Variants in COL5A2 observed in about 807,000 individuals in gnomAD.
COL5A2 encodes the protein collagen type V alpha 2 chain.
Under a neutral mutation model 208.2 loss-of-function variants are expected in COL5A2, and 23 were observed. That is an observed-to-expected ratio of 0.11 (90% CI 0.08 to 0.16). The LOEUF is 0.16. COL5A2 is among the 10% of genes least tolerant of loss of function. The pLI, the probability that COL5A2 is intolerant of heterozygous loss-of-function variation, is 1.00. For synonymous variants in COL5A2, 625 were observed against 628.5 expected (o/e 0.99, Z 0.08); for missense variants, 1,590 against 1,956.4 (o/e 0.81, Z 3.53).
the COL5A2 span, among the ~76,000 whole-genome samples, chr2:189,259,825 G>A: frequency 2.7e-3 from 411 of 152,302 alleles, 3 homozygotes; most frequent in African/African-American, 9.3e-3. Context: ...GTCCCTATCA[G>A]GGGAGAGAAG....
At chr2:189,256,371 A>C in the COL5A2 span, among the ~76,000 whole-genome samples, 1 of 152,204 alleles carries the variant, frequency 6.6e-6, no homozygotes, top group African/African-American at 2.4e-5. Flanking sequence ...TAAGGCCACC[A>C]GCAGTATTAC....
Position 189,085,197 on chromosome 2 carries a change from C to T in COL5A2, c.761G>A (p.Arg254His), listed in dbSNP as rs758747712. The change falls in exon 11 of 54, where the codon CGT becomes CAT. Residue 254 changes from arginine to histidine, a missense_variant. Transcript: ENST00000374866. The part of the protein sequence containing the change: ...DPGPMGPIGS[R>H]GPEGPPGKPG... The stretch of plus-strand genomic sequence containing the variant: ...TTTACCAGGAGGGCCCTCTGGTCCA[C>T]GTGAACCAATCGGACCCTAATAACA... The T allele has an allele frequency of 4.3e-6, 7 of 1,611,322 alleles. No individual in the cohort carries two copies. Among genetic ancestry groups the T allele is most frequent in the South Asian group, 1.1e-5 (1 of 90,582 alleles).
chr2:189,263,135 T>C, the COL5A2 span, among the ~76,000 whole-genome samples: 1 of 152,076 alleles, frequency 6.6e-6, no homozygotes, highest in Non-Finnish European at 1.5e-5. Flanking sequence ...ATAAAGCATC[T>C]CCAATTTCCA....
intron 12 of COL5A2, 134 bp downstream of exon 12, chr2:189,083,850 C>T (rs1025669200): frequency 4.1e-5 from 30 of 724,108 alleles, no homozygotes; most frequent in Admixed American, 2.6e-4. Flanking sequence ...TGACATTTTA[C>T]ATTTTTACGG....
the COL5A2 span, among the ~76,000 whole-genome samples, chr2:189,369,288 A>G: frequency 6.6e-6 from 1 of 152,130 alleles, no homozygotes; most frequent in Non-Finnish European, 1.5e-5. Context: ...TAATATCACT[A>G]CCCTCCAACA....
Position 189,083,972 on chromosome 2 carries a change from GT to G in COL5A2, c.852+11del, listed in dbSNP as rs1199982035. 6.2e-7 allele frequency: 1 copy of G among 1,602,048 alleles called. No individual in the cohort carries two copies. Among genetic ancestry groups the G allele is most frequent in the Non-Finnish European group, 8.6e-7 (1 of 1,169,368 alleles). ...TTTTCAAAGTTTGCCTTTATGTTGA[GT>G]ATAAACTTACCGGAGATCCTGCAAA... On this transcript the variant is annotated intron_variant, in intron 12 of 53. Coordinates refer to ENST00000374866, the MANE Select transcript of COL5A2 (RefSeq NM_000393.5).
chr2:189,039,547 G>C lies in COL5A2; in HGVS notation c.3650C>G (p.Pro1217Arg), dbSNP rs863223509. Residue 1217 changes from proline to arginine, a missense_variant, in exon 51 of 54, where the codon CCT becomes CGT. Physicochemically the swap from Pro to Arg is moderately radical, Grantham distance 103. Coordinates refer to ENST00000374866, the MANE Select transcript of COL5A2 (RefSeq NM_000393.5). ...EAGPEGPPGE[P>R]GPPGPPGPPG... is the part of the protein sequence containing the mutation. ...GGGACCCGGAGGGCCAGGTGGGCCAGGCTCACCAGGAGGGCCCTAATTAAA... is the reference window on the plus strand; with the variant it reads ...GGGACCCGGAGGGCCAGGTGGGCCACGCTCACCAGGAGGGCCCTAATTAAA... 1.9e-6 allele frequency: 3 copies of C among 1,613,646 alleles called. No individual in the cohort carries two copies. Among genetic ancestry groups the C allele is most frequent in the Non-Finnish European group, 2.5e-6 (3 of 1,180,004 alleles).
At chr2:189,070,399 C>A (rs1276337237) in intron 18 of COL5A2, among the ~76,000 whole-genome samples, 1 of 152,100 alleles carries the variant, frequency 6.6e-6, no homozygotes, top group Non-Finnish European at 1.5e-5. Flanking sequence ...GAGACCATGG[C>A]AGAACTTTGT....
At chr2:189,172,683 T>C (rs1373156942) in intron 1 of COL5A2, among the ~76,000 whole-genome samples, 1 of 152,140 alleles carries the variant, frequency 6.6e-6, no homozygotes, top group Admixed American at 6.5e-5. Flanking sequence ...TTATACTACA[T>C]AGACTACAAC....
chr2:189,178,745 G>T (rs1688728116), intron 1 of COL5A2, among the ~76,000 whole-genome samples: 1 of 148,358 alleles, frequency 6.7e-6, no homozygotes, highest in African/African-American at 2.5e-5. Flanking sequence ...GGTCTAAGGG[G>T]TAATGTCCAT....
chr2:189,387,057 A>C, the COL5A2 span, among the ~76,000 whole-genome samples: 1 of 152,196 alleles, frequency 6.6e-6, no homozygotes, highest in Non-Finnish European at 1.5e-5. Context: ...AAAACATGGA[A>C]TCAACCTAGG....
chr2:189,045,261 G>A, intron 46 of COL5A2, 29 bp from the exon 47 acceptor site: 1 of 1,546,922 alleles, frequency 6.5e-7, no homozygotes, highest in South Asian at 1.1e-5. Flanking sequence ...AAAAAAAATT[G>A]GCATGTAAAA....
At chr2:189,318,408 A>G in the COL5A2 span, among the ~76,000 whole-genome samples, 1 of 152,222 alleles carries the variant, frequency 6.6e-6, no homozygotes, top group African/African-American at 2.4e-5. Context: ...TTTCTATGCC[A>G]GCCTTGAATT....
chr2:189,058,447 A>G lies in COL5A2; in HGVS notation c.2211T>C (p.His737=). 1.9e-6 allele frequency: 3 copies of G among 1,613,980 alleles called. No individual in the cohort carries two copies. The highest frequency in any genetic ancestry group is 2.5e-6 in the Non-Finnish European group (3 of 1,179,862). The change falls in exon 33 of 54, where the codon CAT becomes CAC. Residue 737 remains histidine, a synonymous_variant. Coordinates refer to ENST00000374866, the MANE Select transcript of COL5A2 (RefSeq NM_000393.5). ...CACTTACTTTTGGGCCATCAGGACCATGTCCTCCAGCCATTCCCTTCTCAC... is the reference window on the plus strand; with the variant it reads ...CACTTACTTTTGGGCCATCAGGACCGTGTCCTCCAGCCATTCCCTTCTCAC... ...LPGEKGMAGG[H]GPDGPKGSPG...
the COL5A2 span, among the ~76,000 whole-genome samples, chr2:189,349,126 A>C: frequency 6.6e-6 from 1 of 152,140 alleles, no homozygotes; most frequent in South Asian, 2.1e-4. Flanking sequence ...AAAACACAAA[A>C]GCTATATTAT....
At chr2:189,325,753 T>C in the COL5A2 span, among the ~76,000 whole-genome samples, 1 of 152,158 alleles carries the variant, frequency 6.6e-6, no homozygotes, top group Non-Finnish European at 1.5e-5. Flanking sequence ...TCCAGAACTA[T>C]ATATGGGTGT....
chr2:189,167,944 A>ATTTTT (rs71020985), intron 1 of COL5A2, among the ~76,000 whole-genome samples: 2,726 of 139,868 alleles, frequency 0.019, 129 homozygotes, highest in East Asian at 0.11. Context: ...ACAAACTCCT[A>ATTTTT]TTTTTTTTTT....
chr2:189,335,831 T>C, the COL5A2 span, among the ~76,000 whole-genome samples: 1 of 152,126 alleles, frequency 6.6e-6, no homozygotes, highest in Non-Finnish European at 1.5e-5. Context: ...TAGAATTACA[T>C]AGTGGTGATG....
chr2:189,310,508 G>A, the COL5A2 span, among the ~76,000 whole-genome samples: 2 of 152,346 alleles, frequency 1.3e-5, no homozygotes, highest in Middle Eastern at 3.4e-3. Flanking sequence ...ATGGGGAACA[G>A]TTTGGAAGTT....
Sources: gnomAD v4.1 joint callset for allele counts (sites outside exome capture counted in the v4.1 genomes callset) on GRCh38, gnomAD v4.1.1 for gene constraint, MANE v1.5 for transcripts, NCBI Gene and HGNC (gene_info 2026-07-23, HGNC 2026-07-21) for gene names.